RPTOR: variants seen among roughly 807,000 people sequenced by gnomAD.
The protein encoded by RPTOR is regulatory associated protein of MTOR complex 1.
In RPTOR, 21 loss-of-function variants were observed where a neutral mutation model predicts 169.9. That is an observed-to-expected ratio of 0.12 (90% CI 0.09 to 0.18). RPTOR has a LOEUF of 0.18. Ranked by LOEUF, RPTOR falls within the 10% of genes least tolerant of loss-of-function variation. The probability of loss-of-function intolerance (pLI) is 1.00; values close to 1 mark genes in which losing one functional copy is unlikely to be tolerated. For synonymous variants in RPTOR, 732 were observed against 753.2 expected (o/e 0.97, Z 0.46); for missense variants, 1,133 against 1,855.9 (o/e 0.61, Z 7.16).
chr17:80,715,672 T>A (rs117954627), intron 4 of RPTOR, among the ~76,000 whole-genome samples: 5 of 151,300 alleles, frequency 3.3e-5, no homozygotes, highest in Non-Finnish European at 5.9e-5. Context: ...TTAGTGGTAA[T>A]TTGTGAGATT....
In RPTOR at chr17:80,957,181, C is replaced by T. The variant is rs550772622; in HGVS notation, c.3371-443C>T. ...CACCCCGGCCTGGACTTGGGAGTTC[C>T]AGCTTAGAACTGTCACCCCGGCCTG... On this transcript the variant is annotated intron_variant, in intron 28 of 33. Transcript: ENST00000306801. The surrounding 1 kb of genome is among the most constrained non-coding windows in gnomAD (Gnocchi z 4.6). 6.0e-4 allele frequency among the ~76,000 whole-genome samples: 10 copies of T among 16,620 alleles called. No homozygotes were observed. Among genetic ancestry groups the T allele is most frequent in the Non-Finnish European group, 9.7e-4 (9 of 9,272 alleles). The allele number at this position is 16,620 out of a possible 152,430, so 10.9% of individuals were successfully genotyped here.
intron 3 of RPTOR, among the ~76,000 whole-genome samples, chr17:80,672,957 C>CAG (rs1180530224): frequency 6.6e-6 from 1 of 152,050 alleles, no homozygotes; most frequent in African/African-American, 2.4e-5. Flanking sequence ...GACAGAATCT[C>CAG]ATTCTGTCAC....
intron 6 of RPTOR, chr17:80,774,439 G>A: frequency 1.3e-6 from 1 of 777,280 alleles, no homozygotes; most frequent in Non-Finnish European, 1.6e-6. Flanking sequence ...CAGACGTAGT[G>A]CATAAAACAT....
At position 80,674,737 on chromosome 17, in the gene RPTOR, G is replaced by A. The variant is rs186881915; in HGVS notation, c.348+30927G>A. ...TGGGAGGCGAAGCTTTCAGTGAGCC[G>A]AGATAGCGCCACTGCACTCCAGCCT... On this transcript the variant is annotated intron_variant, in intron 3 of 33. Coordinates refer to ENST00000306801, the MANE Select transcript of RPTOR (RefSeq NM_020761.3). 4.0e-3 allele frequency among the ~76,000 whole-genome samples: 555 copies of A among 137,878 alleles called. 3 individuals are homozygous for A. Among genetic ancestry groups the A allele is most frequent in the African/African-American group, 0.014 (538 of 38,260 alleles). 90.5% of individuals were successfully genotyped at this position (137,878 alleles called of 152,430 possible).
intron 3 of RPTOR, among the ~76,000 whole-genome samples, chr17:80,677,909 G>C (rs1488965984): frequency 6.6e-6 from 1 of 152,196 alleles, no homozygotes; most frequent in Non-Finnish European, 1.5e-5. Context: ...CTGGTCTCTA[G>C]TCTTCTAGAA....
chr17:80,893,899 G>A (rs756195666), intron 20 of RPTOR, 34 bp downstream of exon 20: 2 of 1,504,736 alleles, frequency 1.3e-6, no homozygotes, highest in South Asian at 1.3e-5. Context: ...CTTCCGAGGG[G>A]CCCCGAGGGT....
chr17:80,788,046 C>T (rs1447755362), intron 6 of RPTOR, among the ~76,000 whole-genome samples: 1 of 152,192 alleles, frequency 6.6e-6, no homozygotes, highest in South Asian at 2.1e-4. Flanking sequence ...AAGTGTCTTC[C>T]TCATGAGTCT....
At chr17:80,575,752 A>G (rs996300679) in intron 1 of RPTOR, among the ~76,000 whole-genome samples, 1 of 152,176 alleles carries the variant, frequency 6.6e-6, no homozygotes, top group Non-Finnish European at 1.5e-5. Context: ...TGTACAAATC[A>G]TTTACACTTT....
chr17:80,890,120 ATG>A (rs1029953802), intron 17 of RPTOR, among the ~76,000 whole-genome samples: 1 of 151,864 alleles, frequency 6.6e-6, no homozygotes, highest in Admixed American at 6.6e-5. Flanking sequence ...GCGCAGCAGG[ATG>A]TGTGTTCGGG....
In RPTOR at chr17:80,545,514, G is replaced by A; in HGVS notation, c.-116G>A. The A allele has an allele frequency of 1.3e-6, 1 of 796,132 alleles. No homozygotes were observed. The highest frequency in any genetic ancestry group is 2.0e-6 in the Non-Finnish European group (1 of 490,908). The allele number at this position is 796,132 out of a possible 1,614,324, so 49.3% of individuals were successfully genotyped here. ...GGTCTCCGCACTCTTTATCCATTTG[G>A]TTTTCGATTTCCCGTTTTTGTTTCT... On this transcript the variant is annotated 5_prime_UTR_variant, in exon 1 of 34. Transcript: ENST00000306801.
At chr17:80,873,284 C>G (rs1009896689) in intron 13 of RPTOR, among the ~76,000 whole-genome samples, 2 of 152,126 alleles carry the variant, frequency 1.3e-5, no homozygotes, top group Admixed American at 6.5e-5. Context: ...CAGAGCAGCT[C>G]TCCAGTGGGA....
At chr17:80,586,982 G>A (rs1238499044) in intron 1 of RPTOR, among the ~76,000 whole-genome samples, 1 of 152,236 alleles carries the variant, frequency 6.6e-6, no homozygotes, top group East Asian at 1.9e-4. Context: ...CACACGAGCC[G>A]GTCATGGGCC....
At chr17:80,863,706 C>G (rs921459669) in intron 13 of RPTOR, among the ~76,000 whole-genome samples, 1 of 152,124 alleles carries the variant, frequency 6.6e-6, no homozygotes, top group Non-Finnish European at 1.5e-5. Flanking sequence ...CTTGAGTAAC[C>G]AGGATTTCAA....
intron 7 of RPTOR, among the ~76,000 whole-genome samples, chr17:80,814,341 C>T (rs1444550624): frequency 6.6e-6 from 1 of 152,062 alleles, no homozygotes; most frequent in Non-Finnish European, 1.5e-5. Context: ...CCGGGATAAC[C>T]ATTATTAACA....
In RPTOR at chr17:80,570,447, T is replaced by C. The variant is rs182589610; in HGVS notation, c.162+24656T>C. Among the ~76,000 whole-genome samples the C allele has an allele frequency of 4.1e-4, 62 of 152,002 alleles. No individual in the cohort carries two copies. In the East Asian group the frequency reaches 0.011, roughly 26 times the overall value. On this transcript the variant is annotated intron_variant, in intron 1 of 33. Coordinates refer to ENST00000306801, the MANE Select transcript of RPTOR (RefSeq NM_020761.3). ...TTAAGTAGGTTAGAGTAGCTGATGG[T>C]TGATTTTTTTATTTTTATTTTTTAT...
At chr17:80,742,353 G>A (rs983039442) in intron 5 of RPTOR, among the ~76,000 whole-genome samples, 2 of 152,116 alleles carry the variant, frequency 1.3e-5, no homozygotes, top group Non-Finnish European at 2.9e-5. Flanking sequence ...ATCGACGGTG[G>A]TCATTCCAGA....
At chr17:80,796,257 A>G (rs1359860854) in intron 7 of RPTOR, among the ~76,000 whole-genome samples, 1 of 152,240 alleles carries the variant, frequency 6.6e-6, no homozygotes, top group African/African-American at 2.4e-5. Flanking sequence ...ACAAGATCCC[A>G]CAATAGGTCA....
At chr17:80,561,239 TTATATATA>T (rs775949956) in intron 1 of RPTOR, among the ~76,000 whole-genome samples, 1 of 115,212 alleles carries the variant, frequency 8.7e-6, no homozygotes, top group East Asian at 2.2e-4. Context: ...CCCGGCTAAT[TTATATATA>T]TATGTATATA....
At chr17:80,636,659 G>A (rs1467858799) in intron 2 of RPTOR, among the ~76,000 whole-genome samples, 3 of 151,998 alleles carry the variant, frequency 2.0e-5, no homozygotes, top group African/African-American at 7.3e-5. Context: ...GTACATTTTT[G>A]GGGACATATT....
Sources: allele counts gnomAD v4.1 joint callset (sites outside exome capture counted in the v4.1 genomes callset), GRCh38; gene constraint gnomAD v4.1.1; non-coding constraint Gnocchi (gnomAD v3.1); transcripts MANE v1.5; gene names NCBI Gene and HGNC (gene_info 2026-07-23, HGNC 2026-07-21).